ACP6: variants seen among roughly 807,000 people sequenced by gnomAD.
ACP6 encodes the protein lysophosphatidic acid phosphatase type 6.
ACP6 carries 48 observed loss-of-function variants against 48.1 expected under a neutral mutation model. That is an observed-to-expected ratio of 1.00 (90% CI 0.79 to 1.27). The LOEUF is 1.27. Among genes scored for constraint, ACP6 ranks in the 50% most tolerant of loss-of-function variants. The pLI is 0.00. For missense variants in ACP6, 485 were observed against 529.1 expected, an observed-to-expected ratio of 0.92 and a Z score of 0.82; for synonymous variants, 172 against 204.2, an observed-to-expected ratio of 0.84 and a Z score of 1.34.
chr1:147,653,906 T>C (rs1660089369), intron 6 of ACP6, among the ~76,000 whole-genome samples: 1 of 152,102 alleles, frequency 6.6e-6, no homozygotes, highest in Non-Finnish European at 1.5e-5. Flanking sequence ...TACTCATCCC[T>C]CCCTACCCAT....
intron 9 of ACP6, 32 bp from the exon 10 acceptor site, chr1:147,647,598 C>A: frequency 1.2e-6 from 2 of 1,601,664 alleles, no homozygotes; most frequent in South Asian, 1.1e-5. Context: ...GCAGGTCCGC[C>A]GAGGAACCTG....
At chr1:147,669,271 C>A (rs1485863929) in intron 1 of ACP6, among the ~76,000 whole-genome samples, 3 of 150,696 alleles carry the variant, frequency 2.0e-5, no homozygotes, top group African/African-American at 7.3e-5. Flanking sequence ...ACACTTGTTA[C>A]AAAAAAAAAC....
chr1:147,659,965 G>A (rs1553212471), intron 1 of ACP6, among the ~76,000 whole-genome samples, 190 bp from the exon 2 acceptor site: 4 of 152,182 alleles, frequency 2.6e-5, no homozygotes, highest in Non-Finnish European at 5.9e-5. Context: ...ATTATTCCAG[G>A]TGTCCTTAGC....
chr1:147,646,701 G>T lies in ACP6; in HGVS notation c.*722C>A, dbSNP rs1037569364. The T allele has an allele frequency of 3.9e-5, 6 of 152,248 alleles. No individual in the cohort carries two copies. Among genetic ancestry groups the T allele is most frequent in the Non-Finnish European group, 2.9e-5 (2 of 68,144 alleles). 9.4% of individuals were successfully genotyped at this position (152,248 alleles called of 1,614,324 possible). A position where few individuals can be genotyped will look rare whatever the true frequency, so the allele number is the denominator to read the frequency against. On this transcript the variant is annotated 3_prime_UTR_variant, in exon 10 of 10. Coordinates refer to ENST00000583509, the MANE Select transcript of ACP6 (RefSeq NM_016361.5). Reference sequence around the variant, plus strand: ...TGTTTCTGGAACTAAAACCACCAGGGGCCCAGTGTCCTTCCTGCTTCTTCC... The same window carrying T: ...TGTTTCTGGAACTAAAACCACCAGGTGCCCAGTGTCCTTCCTGCTTCTTCC...
At chr1:147,654,827 T>A (rs1660155695) in intron 5 of ACP6, among the ~76,000 whole-genome samples, 1 of 152,132 alleles carries the variant, frequency 6.6e-6, no homozygotes, top group Non-Finnish European at 1.5e-5. Context: ...AACCTGTTGG[T>A]TTTCTCATTT....
rs587604962 is a variant in ACP6, at chr1:147,633,988, A to G, written c.461-2923T>C. Among the ~76,000 whole-genome samples, 21 of 152,288 alleles carry G rather than the reference A, an allele frequency of 1.4e-4. No individual in the cohort carries two copies. The East Asian group carries it at 3.9e-3, about 28-fold the overall frequency. ...CATCCATCTCCACAACTTTTTCATCATGTAAAATTCTAACTTTGTACCCAT... is the reference window on the plus strand; with the variant it reads ...CATCCATCTCCACAACTTTTTCATCGTGTAAAATTCTAACTTTGTACCCAT... On this transcript the variant is annotated intron_variant, in intron 5 of 5. Coordinates refer to the ACP6 transcript ENST00000609196.
intron 7 of ACP6, chr1:147,651,709 G>A (rs587654105): frequency 1.3e-5 from 2 of 152,034 alleles, no homozygotes; most frequent in East Asian, 3.9e-4. Context: ...TCTTATCCTT[G>A]GGCACCCAAC....
intron 1 of ACP6, among the ~76,000 whole-genome samples, chr1:147,663,355 AG>A (rs1660640753): frequency 6.6e-6 from 1 of 152,214 alleles, no homozygotes; most frequent in Non-Finnish European, 1.5e-5. Flanking sequence ...TCAGTTACAC[AG>A]GAAGAATAAG....
chr1:147,659,361 A>C (rs1553212265), intron 3 of ACP6, 35 bp downstream of exon 3: 1 of 1,607,846 alleles, frequency 6.2e-7, no homozygotes, highest in East Asian at 2.2e-5. Context: ...TCAAGACCTT[A>C]AATTAAGTGC....
intron 7 of ACP6, 167 bp from the exon 8 acceptor site, chr1:147,650,405 G>C (rs1021354513): frequency 1.9e-6 from 1 of 530,496 alleles, no homozygotes; most frequent in Non-Finnish European, 3.3e-6. Context: ...CACCGAGTCC[G>C]GTCTTGGGGT....
rs984380145 is a variant in ACP6 at position 147,656,722 on chromosome 1, A to G, written c.560-1474T>C. ...ATCTTATAGGGTTACTACAAGAATT[A>G]AACAAGTTAATATATGCGAAGTTCT... On this transcript the variant is annotated intron_variant, in intron 4 of 9. Transcript: ENST00000583509. Among the ~76,000 whole-genome samples, 5 of 152,230 alleles carry G rather than the reference A, an allele frequency of 3.3e-5. No homozygotes were observed. The South Asian group carries it at 1.0e-3, about 31-fold the overall frequency.
intron 6 of ACP6, among the ~76,000 whole-genome samples, chr1:147,653,040 G>A (rs1457190579): frequency 6.6e-6 from 1 of 152,288 alleles, no homozygotes; most frequent in Non-Finnish European, 1.5e-5. Context: ...TGTTAGCCAG[G>A]ATGGTCTCAA....
chr1:147,667,487 A>C (rs1257982259), intron 1 of ACP6, among the ~76,000 whole-genome samples: 3 of 149,380 alleles, frequency 2.0e-5, no homozygotes, highest in Admixed American at 6.7e-5. Flanking sequence ...AAGTGCTGGG[A>C]TTACAGGCAT....
chr1:147,657,422 T>G (rs1379103115), intron 4 of ACP6, among the ~76,000 whole-genome samples: 2 of 151,938 alleles, frequency 1.3e-5, no homozygotes, highest in Non-Finnish European at 2.9e-5. Context: ...GGGATTCTTT[T>G]TTTGTTTGTT....
intron 5 of ACP6, 124 bp from the exon 6 acceptor site, chr1:147,654,450 GTAT>G: frequency 1.9e-5 from 20 of 1,048,696 alleles, no homozygotes; most frequent in Non-Finnish European, 2.6e-5. Flanking sequence ...GGGTTAGCTG[GTAT>G]TATCCCAATT....
chr1:147,638,424 C>A (rs1659356211), downstream of ACP6, among the ~76,000 whole-genome samples: 1 of 152,112 alleles, frequency 6.6e-6, no homozygotes, highest in South Asian at 2.1e-4. Context: ...TGTGTTTAAC[C>A]ACTGGGCTTC....
chr1:147,655,522 C>A (rs1247497169), intron 4 of ACP6, among the ~76,000 whole-genome samples: 2 of 152,226 alleles, frequency 1.3e-5, no homozygotes, highest in Non-Finnish European at 2.9e-5. Context: ...TAGACTAGAG[C>A]AGGTAATAGA....
In ACP6 at chr1:147,652,566, T is replaced by C. The variant is rs1659986753; in HGVS notation, c.781-17A>G. On this transcript the variant is annotated splice_polypyrimidine_tract_variant and intron_variant, in intron 6 of 9. Coordinates refer to ENST00000583509, the MANE Select transcript of ACP6 (RefSeq NM_016361.5). ...GTTGTGTGCCTGAAAGGGCCACATG[T>C]AGTTTTAGAAAAAAATGCTTCTTAC... 10 of 1,613,942 alleles carry C rather than the reference T, an allele frequency of 6.2e-6. No individual in the cohort carries two copies. The highest frequency in any genetic ancestry group is 8.5e-6 in the Non-Finnish European group (10 of 1,179,956).
chr1:147,653,265 G>A (rs1366738796), intron 6 of ACP6, among the ~76,000 whole-genome samples: 1 of 151,580 alleles, frequency 6.6e-6, no homozygotes, highest in Non-Finnish European at 1.5e-5. Flanking sequence ...TGAGTGGCTG[G>A]GACTACAGAC....
Sources: allele counts gnomAD v4.1 joint callset (sites outside exome capture counted in the v4.1 genomes callset), GRCh38; gene constraint gnomAD v4.1.1; transcripts MANE v1.5; gene names NCBI Gene and HGNC (gene_info 2026-07-23, HGNC 2026-07-21).